ZNF436: variants seen among roughly 807,000 people sequenced by gnomAD.
The protein encoded by ZNF436 is DNA-binding protein.
In ZNF436, 22 loss-of-function variants were observed where a neutral mutation model predicts 41.9. The ratio of observed to expected loss-of-function variants is 0.53; its 90% CI spans 0.38 to 0.75. The LOEUF is 0.75. Ranked by LOEUF, ZNF436 falls within the 30% of genes least tolerant of loss-of-function variation. ZNF436 has a pLI of 0.00. For synonymous variants in ZNF436, 217 were observed against 197.8 expected (o/e 1.10, Z -0.82); for missense variants, 506 against 587.3 (o/e 0.86, Z 1.43).
Position 23,369,437 on chromosome 1 carries a change from C to G in ZNF436, c.-132G>C, listed in dbSNP as rs1253262548. On this transcript the variant is annotated 5_prime_UTR_variant, in exon 1 of 4. Coordinates refer to ENST00000314011, the MANE Select transcript of ZNF436 (RefSeq NM_001077195.2). ...AGAGACCGCGAACGGGTTCCAGAGCCGCAGCGTTCTCTCAGACCTGGCGTT... is the reference window on the plus strand; with the variant it reads ...AGAGACCGCGAACGGGTTCCAGAGCGGCAGCGTTCTCTCAGACCTGGCGTT... 1 of 534,496 alleles carries G rather than the reference C, an allele frequency of 1.9e-6. No individual in the cohort carries two copies. Among genetic ancestry groups the G allele is most frequent in the Non-Finnish European group, 3.8e-6 (1 of 259,930 alleles). 33.1% of individuals were successfully genotyped at this position (534,496 alleles called of 1,614,324 possible).
At chr1:23,363,293 A>T (rs1445671417) in intron 3 of ZNF436, 72 bp from the exon 4 acceptor site, 83 of 1,097,358 alleles carry the variant, frequency 7.6e-5, no homozygotes, top group Non-Finnish European at 8.7e-5. Context: ...ACTATACTAA[A>T]TTTTTTTTTT....
chr1:23,369,126 CAG>C (rs1408045051), intron 1 of ZNF436: 7 of 288,684 alleles, frequency 2.4e-5, no homozygotes, highest in South Asian at 5.7e-5. Flanking sequence ...CTGGGGGACT[CAG>C]AAGCGGGTGG....
intron 1 of ZNF436, chr1:23,368,295 G>T: frequency 4.7e-6 from 2 of 425,778 alleles, no homozygotes; most frequent in East Asian, 4.3e-5. Flanking sequence ...CCCGCGCCGG[G>T]GGTTAGACCG....
rs113585243 is a variant in ZNF436 at position 23,365,434 on chromosome 1, C to T, written c.160+1608G>A. On this transcript the variant is annotated intron_variant, in intron 3 of 3. Coordinates refer to ENST00000314011, the MANE Select transcript of ZNF436 (RefSeq NM_001077195.2). ...TAAATAATAAAAAAATAAAAAGAAGCTGAGCATGGTGCCTGACACCTGTAT... is the reference window on the plus strand; with the variant it reads ...TAAATAATAAAAAAATAAAAAGAAGTTGAGCATGGTGCCTGACACCTGTAT... Among the ~76,000 whole-genome samples, 1,060 of 151,092 alleles carry T rather than the reference C, an allele frequency of 7.0e-3. 14 individuals are homozygous for T. The highest frequency in any genetic ancestry group is 0.024 in the African/African-American group (971 of 41,130).
At chr1:23,366,075 T>C (rs1428798447) in intron 3 of ZNF436, among the ~76,000 whole-genome samples, 1 of 152,224 alleles carries the variant, frequency 6.6e-6, no homozygotes, top group Non-Finnish European at 1.5e-5. Context: ...TTAAAGATTG[T>C]CATTTTTTGC....
At chr1:23,367,517 C>G (rs1395940482) in intron 2 of ZNF436, among the ~76,000 whole-genome samples, 1 of 152,140 alleles carries the variant, frequency 6.6e-6, no homozygotes, top group East Asian at 1.9e-4. Flanking sequence ...TTTAAGGTCC[C>G]GCTGCAGTAC....
At chr1:23,368,996 C>G (rs185788767) in intron 1 of ZNF436, 1 of 161,314 alleles carries the variant, frequency 6.2e-6, no homozygotes, top group Admixed American at 6.1e-5. Context: ...GGCAGTAGAG[C>G]CTGGCGGTGT....
rs1570192736 is a variant in ZNF436 at position 23,368,125 on chromosome 1, G to A, written c.-60-60C>T. 7.6e-6 allele frequency: 9 copies of A among 1,181,588 alleles called. No homozygotes were observed. In the Admixed American group the frequency reaches 1.9e-4, roughly 25 times the overall value. 73.2% of individuals were successfully genotyped at this position (1,181,588 alleles called of 1,614,324 possible). A position where few individuals can be genotyped will look rare whatever the true frequency, so the allele number is the denominator to read the frequency against. On this transcript the variant is annotated intron_variant, in intron 1 of 3. Coordinates refer to ENST00000314011, the MANE Select transcript of ZNF436 (RefSeq NM_001077195.2). ...AAAACAGGCCCTGCCCACTCCCCAGGGCTGGAGTTCTGGCCCCAAGGCGGG... is the reference window on the plus strand; with the variant it reads ...AAAACAGGCCCTGCCCACTCCCCAGAGCTGGAGTTCTGGCCCCAAGGCGGG...
chr1:23,365,633 G>A (rs1482499024), intron 3 of ZNF436, among the ~76,000 whole-genome samples: 1 of 151,966 alleles, frequency 6.6e-6, no homozygotes, highest in Non-Finnish European at 1.5e-5. Flanking sequence ...AGAATTGCTT[G>A]AACTCAGGAG....
chr1:23,367,633 A>AG (rs1179187137), intron 2 of ZNF436, among the ~76,000 whole-genome samples: 2 of 152,190 alleles, frequency 1.3e-5, no homozygotes, highest in Admixed American at 6.5e-5. Flanking sequence ...CCCACACTAC[A>AG]GCACTTTGTT....
At chr1:23,369,152 G>C in intron 1 of ZNF436, 1 of 353,920 alleles carries the variant, frequency 2.8e-6, no homozygotes, top group Non-Finnish European at 5.9e-6. Flanking sequence ...TGTAGGGCGT[G>C]TAAGGAGGAG....
chr1:23,367,909 G>A, intron 2 of ZNF436, 64 bp downstream of exon 2: 1 of 1,578,994 alleles, frequency 6.3e-7, no homozygotes, highest in Non-Finnish European at 8.7e-7. Flanking sequence ...GACTTGCAGA[G>A]CAGAGAAACG....
chr1:23,364,789 A>T (rs1021262793), intron 3 of ZNF436, among the ~76,000 whole-genome samples: 1 of 152,244 alleles, frequency 6.6e-6, no homozygotes, highest in African/African-American at 2.4e-5. Context: ...TATACCAGAC[A>T]CTGCATTCTC....
Position 23,362,685 on chromosome 1 carries a change from G to A in ZNF436, c.697C>T (p.Arg233Cys). The part of the protein sequence containing the change: ...KCNECGKSFC[R>C]LSHLIQHQRT... ...TGGTGTTGGATTAGGTGAGAGAGAC[G>A]GCAGAAACTTTTTCCACACTCATTA... The change falls in exon 4 of 4, where the codon CGT (arginine) becomes TGT (cysteine). Residue 233 changes from arginine to cysteine, a missense_variant. Arg to Cys is a radical substitution (Grantham distance 180). Transcript: ENST00000314011. The A allele has an allele frequency of 1.9e-6, 3 of 1,613,856 alleles. No individual in the cohort carries two copies. The highest frequency in any genetic ancestry group is 2.5e-6 in the Non-Finnish European group (3 of 1,179,960).
chr1:23,369,154 AAGG>A (rs942769192), intron 1 of ZNF436: 5 of 354,250 alleles, frequency 1.4e-5, no homozygotes, highest in African/African-American at 8.6e-5. Context: ...TAGGGCGTGT[AAGG>A]AGGAGATAGC....
chr1:23,365,480 G>C (rs182485064), intron 3 of ZNF436, among the ~76,000 whole-genome samples: 2 of 151,964 alleles, frequency 1.3e-5, no homozygotes, highest in Non-Finnish European at 2.9e-5. Context: ...TTGGGAGGCC[G>C]AGGTGGGCGG....
rs1646988616 is a variant in ZNF436 at position 23,360,650 on chromosome 1, T to A, written c.*1319A>T. The A allele has an allele frequency of 6.6e-6, 1 of 152,626 alleles. No homozygotes were observed. Among genetic ancestry groups the A allele is most frequent in the African/African-American group, 2.4e-5 (1 of 41,458 alleles). 9.5% of individuals were successfully genotyped at this position (152,626 alleles called of 1,614,324 possible). A position where few individuals can be genotyped will look rare whatever the true frequency, so the allele number is the denominator to read the frequency against. On this transcript the variant is annotated 3_prime_UTR_variant, in exon 4 of 4. Transcript: ENST00000314011. Reference sequence around the variant, plus strand: ...CCTTCTGACTAAGCCAAAGAGTTCTTCATTACCATAGAAGATAATTCATTC... The same window carrying A: ...CCTTCTGACTAAGCCAAAGAGTTCTACATTACCATAGAAGATAATTCATTC...
At chr1:23,367,233 T>A in intron 2 of ZNF436, 65 bp from the exon 3 acceptor site, 1 of 1,505,122 alleles carries the variant, frequency 6.6e-7, no homozygotes, top group African/African-American at 1.4e-5. Flanking sequence ...GAAACATGAT[T>A]AGAAATATTC....
Position 23,362,571 on chromosome 1 carries a change from T to C in ZNF436, c.811A>G (p.Thr271Ala). 3 of 1,613,882 alleles carry C rather than the reference T, an allele frequency of 1.9e-6. No homozygotes were observed. The South Asian group carries it at 3.3e-5, about 18-fold the overall frequency. Reference protein sequence around the residue: ...RSSHLAQHQRTHTGEKPYECN... With the variant: ...RSSHLAQHQRAHTGEKPYECN... ...TCATAAGGTTTCTCACCCGTGTGGG[T>C]CCTCTGGTGCTGAGCTAGGTGAGAG... is the stretch of plus-strand genomic sequence containing the variant. The change falls in exon 4 of 4, where the codon ACC becomes GCC. Residue 271 changes from threonine (T) to alanine (A), a missense_variant. Thr to Ala is a moderately conservative substitution (Grantham distance 58). Around this residue, in one of 2 missense-constraint regions of ZNF436, gnomAD observed 278 missense variants for 372.1 expected, o/e 0.75. Transcript: ENST00000314011.
Sources: gnomAD v4.1 joint callset for allele counts (sites outside exome capture counted in the v4.1 genomes callset) on GRCh38, gnomAD v4.1.1 for gene constraint, gnomAD v4.1.1 regional missense constraint, MANE v1.5 for transcripts, NCBI Gene and HGNC (gene_info 2026-07-23, HGNC 2026-07-21) for gene names.